The following ANKRD36C variants were observed in gnomAD, a reference collection of about 807,000 sequenced individuals.
The protein encoded by ANKRD36C is ankyrin repeat domain-containing protein 36C.
A neutral mutation model predicts 276.4 loss-of-function variants in ANKRD36C; 61 were observed. The ratio of observed to expected loss-of-function variants is 0.22; its 90% CI spans 0.18 to 0.27. The LOEUF is 0.27. ANKRD36C is among the 10% of genes least tolerant of loss of function. The probability of loss-of-function intolerance (pLI) is 1.00; values close to 1 mark genes in which losing one functional copy is unlikely to be tolerated. For synonymous variants in ANKRD36C, 483 were observed against 680.1 expected (o/e 0.71, Z 4.51); for missense variants, 1,447 against 2,032.3 (o/e 0.71, Z 5.54).
intron 34 of ANKRD36C, among the ~76,000 whole-genome samples, chr2:95,919,050 C>T (rs1386133855): frequency 7.4e-6 from 1 of 134,918 alleles, no homozygotes; most frequent in Non-Finnish European, 1.7e-5. Context: ...ATCTCTGATG[C>T]CTAATAGTAA....
At chr2:95,965,773 T>C (rs1304426202) in intron 6 of ANKRD36C, among the ~76,000 whole-genome samples, 1 of 152,000 alleles carries the variant, frequency 6.6e-6, no homozygotes, top group Non-Finnish European at 1.5e-5. Context: ...TCAACATGGA[T>C]AGATCTGATA....
In ANKRD36C at chr2:95,918,330, G is replaced by A. The variant is rs541740514; in HGVS notation, c.2246-288C>T. 5.5e-4 allele frequency among the ~76,000 whole-genome samples: 83 copies of A among 151,764 alleles called. 1 individual carries two copies. The South Asian group carries it at 0.017, about 31-fold the overall frequency. On this transcript the variant is annotated intron_variant, in intron 34 of 66. Transcript: ENST00000456556. ...TCAATGTGGATATGCCGAGTGATGA[G>A]GACAAACTGATCTAAAATCGGAGGA...
intron 38 of ANKRD36C, among the ~76,000 whole-genome samples, chr2:95,915,224 C>T (rs951617493): frequency 1.3e-5 from 2 of 151,526 alleles, no homozygotes; most frequent in African/African-American, 4.8e-5. Context: ...CAAGAGGTAG[C>T]TCCTTGAACA....
At chr2:95,942,955 TG>T (rs1481128980) in intron 19 of ANKRD36C, among the ~76,000 whole-genome samples, 1 of 152,300 alleles carries the variant, frequency 6.6e-6, no homozygotes, top group Non-Finnish European at 1.5e-5. Flanking sequence ...CTGTGTACTC[TG>T]TTGGCAATAT....
At chr2:95,925,259 C>T (rs975083104) in intron 30 of ANKRD36C, 93 bp downstream of exon 30, 35 of 1,524,102 alleles carry the variant, frequency 2.3e-5, no homozygotes, top group African/African-American at 1.1e-4. Context: ...TCAGAAAGTG[C>T]ATTTTCAATG....
intron 42 of ANKRD36C, among the ~76,000 whole-genome samples, chr2:95,902,419 G>T (rs1380775339): frequency 6.7e-6 from 1 of 150,266 alleles, no homozygotes; most frequent in African/African-American, 2.4e-5. Context: ...ACACCTTCCT[G>T]CCTCACAATC....
chr2:95,943,929 T>C (rs543630861), intron 19 of ANKRD36C, among the ~76,000 whole-genome samples: 3 of 152,334 alleles, frequency 2.0e-5, no homozygotes, highest in South Asian at 2.1e-4. Context: ...GTAACAGAGA[T>C]ACACATTACC....
At chr2:95,944,995 C>CCA (rs1215009038) in intron 18 of ANKRD36C, 119 bp downstream of exon 18, 1 of 1,313,326 alleles carries the variant, frequency 7.6e-7, no homozygotes, top group East Asian at 2.5e-5. Context: ...CAAGATCATG[C>CCA]CACTGCACTC....
In ANKRD36C at chr2:95,903,002, T is replaced by C. The variant is rs1422896071; in HGVS notation, c.2654-3666A>G. 4.8e-5 allele frequency: 76 copies of C among 1,572,222 alleles called. 2 individuals are homozygous for C. The highest frequency in any genetic ancestry group is 6.1e-5 in the Non-Finnish European group (71 of 1,157,124). ...GCAATAATAAATTAATAAAGTATGC[T>C]TCATAGACTATACATTTACTAGTTC... On this transcript the variant is annotated intron_variant, in intron 42 of 66. Transcript: ENST00000456556.
intron 48 of ANKRD36C, among the ~76,000 whole-genome samples, chr2:95,888,960 A>G (rs1676268727): frequency 6.6e-6 from 1 of 151,646 alleles, no homozygotes; most frequent in African/African-American, 2.4e-5. Context: ...TTTTGTTTCT[A>G]AAAAGTCTTC....
intron 6 of ANKRD36C, among the ~76,000 whole-genome samples, chr2:95,975,291 T>C (rs62155508): frequency 0.32 from 49,225 of 151,920 alleles, 9,300 homozygotes; most frequent in East Asian, 0.48. Context: ...AAAGTTCATA[T>C]GGAACCAAAA....
At chr2:95,959,582 T>C (rs1678408535) in intron 10 of ANKRD36C, among the ~76,000 whole-genome samples, 4 of 152,134 alleles carry the variant, frequency 2.6e-5, no homozygotes, top group African/African-American at 9.6e-5. Context: ...CTCATATTCA[T>C]TGAAAATAAC....
chr2:95,885,029 C>G (rs193126448), intron 52 of ANKRD36C, among the ~76,000 whole-genome samples: 1 of 152,150 alleles, frequency 6.6e-6, no homozygotes, highest in African/African-American at 2.4e-5. Flanking sequence ...ATTCATGGCA[C>G]CAAAGGATAA....
At chr2:95,950,067 C>G (rs2918883) in intron 16 of ANKRD36C, among the ~76,000 whole-genome samples, 1 of 138,478 alleles carries the variant, frequency 7.2e-6, no homozygotes, top group Admixed American at 7.3e-5. Context: ...ACTGGTTAGG[C>G]AGTAAGTGGA....
At chr2:95,866,398 G>C (rs1194898006) in intron 60 of ANKRD36C, among the ~76,000 whole-genome samples, 2 of 152,098 alleles carry the variant, frequency 1.3e-5, no homozygotes, top group Non-Finnish European at 2.9e-5. Flanking sequence ...AAAAGTAATA[G>C]TATCCAAATA....
chr2:95,968,830 TGATTAATTTACTA>T (rs1678644028), intron 6 of ANKRD36C, among the ~76,000 whole-genome samples: 4 of 152,162 alleles, frequency 2.6e-5, no homozygotes, highest in Admixed American at 2.6e-4. Flanking sequence ...CTCTTTGGTT[TGATTAATTTACTA>T]GAGTGGCTCA....
intron 10 of ANKRD36C, among the ~76,000 whole-genome samples, chr2:95,959,103 C>T (rs976026707): frequency 1.3e-5 from 2 of 152,398 alleles, no homozygotes; most frequent in Non-Finnish European, 2.9e-5. Flanking sequence ...ATCAGAGCAG[C>T]GACTCATACA....
intron 1 of ANKRD36C, among the ~76,000 whole-genome samples, 162 bp from the exon 2 acceptor site, chr2:95,987,368 C>G (rs2261752): frequency 1.1e-4 from 16 of 152,250 alleles, no homozygotes; most frequent in Admixed American, 4.6e-4. Context: ...AATAGAAAAG[C>G]CTTGGCTTTT....
At chr2:95,852,841 A>T (rs1032823126) in intron 64 of ANKRD36C, 1 of 152,390 alleles carries the variant, frequency 6.6e-6, no homozygotes, top group African/African-American at 2.4e-5. Context: ...GTCAGTTCCA[A>T]ATAAGATCCT....
Sources: gnomAD v4.1 joint callset for allele counts (sites outside exome capture counted in the v4.1 genomes callset) on GRCh38, gnomAD v4.1.1 for gene constraint, MANE v1.5 for transcripts, NCBI Gene and HGNC (gene_info 2026-07-23, HGNC 2026-07-21) for gene names.